The following SLIT1 variants were observed in gnomAD, a reference collection of about 807,000 sequenced individuals.
The protein encoded by SLIT1 is slit homolog 1 protein.
SLIT1 carries 66 observed loss-of-function variants against 186.1 expected under a neutral mutation model. That is an observed-to-expected ratio of 0.35 (90% CI 0.29 to 0.44). SLIT1 has a LOEUF of 0.44. Among genes scored for constraint, SLIT1 ranks in the 20% least tolerant of loss-of-function variants. The pLI, the probability that SLIT1 is intolerant of heterozygous loss-of-function variation, is 1.00. For missense variants in SLIT1, 1,638 were observed against 2,037.4 expected, an observed-to-expected ratio of 0.80 and a Z score of 3.77; for synonymous variants, 761 against 833.8, an observed-to-expected ratio of 0.91 and a Z score of 1.50.
chr10:97,093,583 G>C (rs935635320), intron 4 of SLIT1, among the ~76,000 whole-genome samples: 3 of 152,212 alleles, frequency 2.0e-5, no homozygotes, highest in African/African-American at 7.2e-5. Context: ...GGAAGATAAA[G>C]CTTAAGAATG....
intron 1 of SLIT1, among the ~76,000 whole-genome samples, chr10:97,180,877 T>C (rs887177226): frequency 6.6e-6 from 1 of 152,156 alleles, no homozygotes; most frequent in African/African-American, 2.4e-5. Context: ...TCCCAAATAA[T>C]AACAATAATA....
chr10:97,059,651 T>G, intron 10 of SLIT1, 120 bp from the exon 11 acceptor site: 1 of 749,404 alleles, frequency 1.3e-6, no homozygotes. Flanking sequence ...GAAATGAGAA[T>G]AGTGAGAGGC....
At chr10:97,171,427 G>A (rs1444593503) in intron 1 of SLIT1, among the ~76,000 whole-genome samples, 1 of 152,142 alleles carries the variant, frequency 6.6e-6, no homozygotes, top group East Asian at 1.9e-4. Context: ...TGCTCTCCAA[G>A]CCACAGCCAG....
chr10:97,066,480 C>A (rs1298695427), intron 4 of SLIT1, among the ~76,000 whole-genome samples: 2 of 152,064 alleles, frequency 1.3e-5, no homozygotes, highest in African/African-American at 4.8e-5. Flanking sequence ...GGAGGTGGGG[C>A]CTGGTGGGAG....
chr10:97,093,971 G>A (rs940594048), intron 4 of SLIT1, among the ~76,000 whole-genome samples: 2 of 152,216 alleles, frequency 1.3e-5, no homozygotes, highest in African/African-American at 4.8e-5. Flanking sequence ...AACAAGAAAT[G>A]GCTGAAATGT....
chr10:97,120,882 T>C, intron 4 of SLIT1, among the ~76,000 whole-genome samples: 1 of 152,178 alleles, frequency 6.6e-6, no homozygotes. Context: ...CCGATCCAAA[T>C]AAAATGCTTA....
At chr10:97,145,849 G>C (rs1849812011) in intron 4 of SLIT1, among the ~76,000 whole-genome samples, 1 of 152,146 alleles carries the variant, frequency 6.6e-6, no homozygotes, top group Non-Finnish European at 1.5e-5. Context: ...GCAGTGAGGA[G>C]CCCAGGGCTC....
chr10:97,066,583 G>A (rs1848948813), intron 4 of SLIT1, among the ~76,000 whole-genome samples: 1 of 152,010 alleles, frequency 6.6e-6, no homozygotes, highest in Admixed American at 6.6e-5. Context: ...GAAGTGTGTG[G>A]CACCTCCCCC....
chr10:97,089,819 C>G (rs1249693397), intron 4 of SLIT1, among the ~76,000 whole-genome samples: 3 of 152,152 alleles, frequency 2.0e-5, no homozygotes, highest in Admixed American at 6.5e-5. Context: ...TTTCACATGT[C>G]AGTTAAGGGC....
At chr10:97,098,966 A>T (rs573982126) in intron 4 of SLIT1, among the ~76,000 whole-genome samples, 1 of 152,256 alleles carries the variant, frequency 6.6e-6, no homozygotes, top group African/African-American at 2.4e-5. Flanking sequence ...CAGTTTCCTG[A>T]GCAATAAAGC....
chr10:97,107,452 C>T (rs1371738155), intron 4 of SLIT1, among the ~76,000 whole-genome samples: 2 of 152,156 alleles, frequency 1.3e-5, no homozygotes, highest in Non-Finnish European at 2.9e-5. Flanking sequence ...CCAGAAACCT[C>T]GCATCTTAAC....
At position 97,063,698 on chromosome 10, in the gene SLIT1, G is replaced by A. The variant is rs1848916224; in HGVS notation, c.630-80C>T. The A allele has an allele frequency of 1.7e-5, 25 of 1,448,000 alleles. 1 individual carries two copies. In the South Asian group the frequency reaches 3.1e-4, roughly 18 times the overall value. The allele number at this position is 1,448,000 out of a possible 1,614,324, so 89.7% of individuals were successfully genotyped here. A position where few individuals can be genotyped will look rare whatever the true frequency, so the allele number is the denominator to read the frequency against. On this transcript the variant is annotated intron_variant, in intron 7 of 36. Coordinates refer to ENST00000266058, the MANE Select transcript of SLIT1 (RefSeq NM_003061.3). ...TTGTGGGAACCCCAATCTCAGGCAGGAGGCTGCCCCCGGTGCTGTGTTCAA... is the reference window on the plus strand; with the variant it reads ...TTGTGGGAACCCCAATCTCAGGCAGAAGGCTGCCCCCGGTGCTGTGTTCAA...
intron 4 of SLIT1, among the ~76,000 whole-genome samples, chr10:97,114,894 C>T (rs1849495623): frequency 6.6e-6 from 1 of 152,214 alleles, no homozygotes; most frequent in Admixed American, 6.5e-5. Flanking sequence ...ATTCCAGCCT[C>T]ATAAAGTTGT....
At chr10:97,079,398 C>G (rs1215216826) in intron 4 of SLIT1, among the ~76,000 whole-genome samples, 1 of 152,144 alleles carries the variant, frequency 6.6e-6, no homozygotes, top group Non-Finnish European at 1.5e-5. Context: ...GAGCTGTATA[C>G]TCACTGGCAC....
intron 4 of SLIT1, among the ~76,000 whole-genome samples, chr10:97,089,594 T>C (rs954403929): frequency 1.6e-4 from 24 of 152,116 alleles, no homozygotes; most frequent in African/African-American, 5.6e-4. Context: ...GAGGTGGGAA[T>C]GGAATTCTGG....
intron 28 of SLIT1, 65 bp downstream of exon 28, chr10:97,018,521 G>A: frequency 9.9e-7 from 1 of 1,012,384 alleles, no homozygotes; most frequent in South Asian, 1.5e-5. Context: ...GGAGAGGAGG[G>A]CCCTGAGGCA....
rs1158596276 is a variant in SLIT1, at chr10:97,012,281, TCA to T, written c.3204-1153_3204-1152del. Among the ~76,000 whole-genome samples the T allele has an allele frequency of 2.0e-5, 3 of 152,220 alleles. No individual in the cohort carries two copies. In the East Asian group the frequency reaches 5.8e-4, roughly 29 times the overall value. On this transcript the variant is annotated intron_variant, in intron 30 of 36. Transcript: ENST00000266058. ...TGGGGCTCCCTTTATATCCAATTGA[TCA>T]CAGTCTACTAATGAGTCTGGAGTTA...
chr10:97,103,631 A>G (rs967619394), intron 4 of SLIT1: 17 of 152,246 alleles, frequency 1.1e-4, no homozygotes, highest in African/African-American at 3.9e-4. Context: ...CAAGTTAGAC[A>G]GCGATTTCTT....
Position 97,007,780 on chromosome 10 carries a change from G to A in SLIT1, c.3342-1060C>T, listed in dbSNP as rs139600672. 3.5e-3 allele frequency among the ~76,000 whole-genome samples: 528 copies of A among 152,110 alleles called. 5 individuals carry two copies. Among genetic ancestry groups the A allele is most frequent in the African/African-American group, 0.012 (507 of 41,522 alleles). ...AACACTCCACAAACTAGGAATAGAA[G>A]TGAACTACATCAACCTGATAAAGGG... On this transcript the variant is annotated intron_variant, in intron 31 of 36. Coordinates refer to ENST00000266058, the MANE Select transcript of SLIT1 (RefSeq NM_003061.3).
Sources: allele counts gnomAD v4.1 joint callset (sites outside exome capture counted in the v4.1 genomes callset), GRCh38; gene constraint gnomAD v4.1.1; transcripts MANE v1.5; gene names NCBI Gene and HGNC (gene_info 2026-07-23, HGNC 2026-07-21).